The following LAMA4 variants were observed in gnomAD, a reference collection of about 807,000 sequenced individuals.
LAMA4 encodes laminin subunit alpha-4.
A neutral mutation model predicts 207.1 loss-of-function variants in LAMA4; 127 were observed. The observed-to-expected ratio is 0.61, with a 90% CI of 0.53 to 0.71. The LOEUF (loss-of-function observed/expected upper bound fraction) is 0.71, where lower values mean the gene tolerates loss of function less well. Among genes scored for constraint, LAMA4 ranks in the 30% least tolerant of loss-of-function variants. The pLI, the probability that LAMA4 is intolerant of heterozygous loss-of-function variation, is 0.00. For synonymous variants in LAMA4, 761 were observed against 816.0 expected (o/e 0.93, Z 1.15); for missense variants, 2,093 against 2,246.5 (o/e 0.93, Z 1.38).
intron 22 of LAMA4, among the ~76,000 whole-genome samples, chr6:112,140,524 ATGAAC>A (rs1219995220): frequency 1.3e-5 from 2 of 152,344 alleles, no homozygotes; most frequent in Non-Finnish European, 2.9e-5. Context: ...ATCAGAATGA[ATGAAC>A]TGATCTTCAG....
chr6:112,209,586 C>G (rs1784252364), intron 3 of LAMA4, among the ~76,000 whole-genome samples: 1 of 152,202 alleles, frequency 6.6e-6, no homozygotes, highest in Non-Finnish European at 1.5e-5. Context: ...GTCCCTAGCT[C>G]TTCCACTTTC....
intron 35 of LAMA4, among the ~76,000 whole-genome samples, chr6:112,116,903 A>C (rs1419055152): frequency 1.3e-5 from 2 of 152,150 alleles, no homozygotes; most frequent in Non-Finnish European, 2.9e-5. Context: ...AAGATGGGTG[A>C]GGCAGGAAAG....
At chr6:112,155,754 A>G (rs1554336812) in intron 14 of LAMA4, 48 bp from the exon 15 acceptor site, 1 of 1,595,214 alleles carries the variant, frequency 6.3e-7, no homozygotes, top group South Asian at 1.1e-5. Context: ...CTTCTTGGGG[A>G]ATGGGGCCAT....
At chr6:112,216,297 A>C (rs1784621272) in intron 3 of LAMA4, 71 bp downstream of exon 3, 3 of 1,068,740 alleles carry the variant, frequency 2.8e-6, no homozygotes, top group Non-Finnish European at 4.4e-6. Flanking sequence ...ACATCCGAAA[A>C]ATATTTTATC....
chr6:112,112,932 G>C (rs1777789045), intron 38 of LAMA4, among the ~76,000 whole-genome samples: 1 of 152,168 alleles, frequency 6.6e-6, no homozygotes, highest in South Asian at 2.1e-4. Flanking sequence ...CAAATATCAT[G>C]TGTCCTCACT....
chr6:112,200,842 T>A (rs1783699594), intron 5 of LAMA4, among the ~76,000 whole-genome samples: 1 of 149,504 alleles, frequency 6.7e-6, no homozygotes, highest in Non-Finnish European at 1.5e-5. Context: ...TGAGAACACA[T>A]GGGCACAGGG....
At chr6:112,233,421 C>T (rs1785689518) in intron 2 of LAMA4, among the ~76,000 whole-genome samples, 1 of 152,126 alleles carries the variant, frequency 6.6e-6, no homozygotes, top group Non-Finnish European at 1.5e-5. Flanking sequence ...CTTGCACAGG[C>T]AATTTGGGGA....
At position 112,108,410 on chromosome 6, in the gene LAMA4, T is replaced by A. The variant is rs781858474; in HGVS notation, c.*1027A>T. ...AATAAGACTAGTTGTGTTGCAGGTA[T>A]GTGGAGAGCACACTTTGTTTTTGAG... On this transcript the variant is annotated 3_prime_UTR_variant, in exon 39 of 39. Transcript: ENST00000230538. 2.0e-5 allele frequency among the ~76,000 whole-genome samples: 3 copies of A among 152,170 alleles called. No homozygotes were observed. The South Asian group carries it at 6.2e-4, about 32-fold the overall frequency.
At chr6:112,230,387 A>G (rs1785474768) in intron 2 of LAMA4, among the ~76,000 whole-genome samples, 1 of 152,204 alleles carries the variant, frequency 6.6e-6, no homozygotes, top group African/African-American at 2.4e-5. Context: ...AGAAAGTCTG[A>G]GATCATCAGT....
chr6:112,183,144 G>C (rs1382279805), intron 9 of LAMA4, among the ~76,000 whole-genome samples: 4 of 152,332 alleles, frequency 2.6e-5, no homozygotes, highest in Middle Eastern at 3.4e-3. Flanking sequence ...CAATATTACT[G>C]ATTTTTATAC....
intron 16 of LAMA4, among the ~76,000 whole-genome samples, chr6:112,153,203 T>C (rs1345012648): frequency 6.6e-6 from 1 of 152,114 alleles, no homozygotes; most frequent in Non-Finnish European, 1.5e-5. Flanking sequence ...TACTGATCAT[T>C]GAAAGGAATT....
intron 2 of LAMA4, among the ~76,000 whole-genome samples, chr6:112,241,164 TATATATG>T (rs1786451436): frequency 1.1e-5 from 1 of 89,250 alleles, no homozygotes; most frequent in Non-Finnish European, 2.4e-5. Context: ...TATATATGAA[TATATATG>T]AATATATATG....
At chr6:112,173,479 A>G (rs747231210) in intron 11 of LAMA4, among the ~76,000 whole-genome samples, 4 of 152,174 alleles carry the variant, frequency 2.6e-5, no homozygotes, top group Non-Finnish European at 5.9e-5. Context: ...CTGAGTATAG[A>G]AAGTGTTGGA....
intron 18 of LAMA4, among the ~76,000 whole-genome samples, chr6:112,147,559 C>T (rs1314289805): frequency 3.9e-5 from 6 of 152,152 alleles, no homozygotes; most frequent in Admixed American, 3.3e-4. Flanking sequence ...ATGGAAAAAG[C>T]GAAATTTCAC....
Position 112,134,608 on chromosome 6 carries a change from A to G in LAMA4, c.3416T>C (p.Ile1139Thr). The G allele has an allele frequency of 6.2e-7, 1 of 1,603,886 alleles. No individual in the cohort carries two copies. Among genetic ancestry groups the G allele is most frequent in the Non-Finnish European group, 8.5e-7 (1 of 1,172,336 alleles). ...AQINDAKYHE[I>T]SIIYHNDKKM... Reference sequence around the variant, plus strand: ...CTTATCATTGTGGTAAATGATTGAGATCTGGGAGAGATAATATATAGTAAG... The same window carrying G: ...CTTATCATTGTGGTAAATGATTGAGGTCTGGGAGAGATAATATATAGTAAG... The change falls in exon 26 of 39, where the codon ATC (isoleucine) becomes ACC (threonine). Residue 1139 changes from isoleucine to threonine, a missense_variant and splice_region_variant. Ile to Thr is a moderately conservative substitution (Grantham distance 89, BLOSUM62 -1). This residue lies in a region of LAMA4 where 1,704 missense variants were observed against 1,788.4 expected (regional missense o/e 0.95). Coordinates refer to ENST00000230538, the MANE Select transcript of LAMA4 (RefSeq NM_001105206.3).
Position 112,201,651 on chromosome 6 carries a change from G to C in LAMA4, c.460C>G (p.Arg154Gly). Residue 154 changes from arginine to glycine, a missense_variant, in exon 5 of 39, where the codon CGG (arginine) becomes GGG (glycine). Physicochemically the swap from Arg to Gly is moderately radical, Grantham distance 125. Transcript: ENST00000230538. ...GCATAATTTTCGTTACAAATGCACC[G>C]AACAGCTCCATTTTTCCTATAGCAG... ...ESCYRKNGAV[R>G]CICNENYAGP... 1 of 1,613,750 alleles carries C rather than the reference G, an allele frequency of 6.2e-7. No individual in the cohort carries two copies. The highest frequency in any genetic ancestry group is 8.5e-7 in the Non-Finnish European group (1 of 1,179,786).
chr6:112,231,385 A>G (rs1243895056), intron 2 of LAMA4, among the ~76,000 whole-genome samples: 2 of 152,174 alleles, frequency 1.3e-5, no homozygotes, highest in African/African-American at 4.8e-5. Context: ...TAGTCCTCAG[A>G]GACAGCCCAT....
At position 112,155,538 on chromosome 6, in the gene LAMA4, T is replaced by C. The variant is rs1780656357; in HGVS notation, c.1959+27A>G. The stretch of plus-strand genomic sequence containing the variant: ...AGAAAAGCCAGTGGGAAAGGCAAGG[T>C]ATAAAGAACTTTCAGGGAATACTCA... On this transcript the variant is annotated intron_variant, in intron 15 of 38. Transcript: ENST00000230538. 4 of 1,613,606 alleles carry C rather than the reference T, an allele frequency of 2.5e-6. No individual in the cohort carries two copies. In the East Asian group the frequency reaches 8.9e-5, roughly 36 times the overall value.
At position 112,227,040 on chromosome 6, in the gene LAMA4, A is replaced by ATTTT. The variant is rs1263236958; in HGVS notation, c.196-10575_196-10572dup. Among the ~76,000 whole-genome samples, 141 of 120,244 alleles carry ATTTT rather than the reference A, an allele frequency of 1.2e-3. 1 individual carries two copies. The highest frequency in any genetic ancestry group is 2.9e-3 in the Admixed American group (34 of 11,906). 78.9% of individuals were successfully genotyped at this position (120,244 alleles called of 152,430 possible). The stretch of plus-strand genomic sequence containing the variant: ...GAGAAAGAGTCTCAGGGCTTCGACT[A>ATTTT]TTTTATTTATTTATTTATTTATTTA... On this transcript the variant is annotated intron_variant, in intron 2 of 38. Transcript: ENST00000230538.
Sources: allele counts gnomAD v4.1 joint callset (sites outside exome capture counted in the v4.1 genomes callset), GRCh38; gene constraint gnomAD v4.1.1; regional missense constraint gnomAD v4.1.1; transcripts MANE v1.5; gene names NCBI Gene and HGNC (gene_info 2026-07-23, HGNC 2026-07-21).